Variants in CNTN5 observed in about 807,000 individuals in gnomAD.
CNTN5 encodes contactin-5.
Under a neutral mutation model 129.1 loss-of-function variants are expected in CNTN5, and 77 were observed. That is an observed-to-expected ratio of 0.60 (90% CI 0.50 to 0.72). CNTN5 has a LOEUF of 0.72. CNTN5 is among the 30% of genes least tolerant of loss of function. The pLI is 0.00. For missense variants in CNTN5, 1,478 were observed against 1,328.8 expected, an observed-to-expected ratio of 1.11 and a Z score of -1.75; for synonymous variants, 509 against 465.6, an observed-to-expected ratio of 1.09 and a Z score of -1.20.
intron 1 of CNTN5, among the ~76,000 whole-genome samples, chr11:99,312,813 A>ATTT (rs5793983): frequency 1.7e-3 from 246 of 148,718 alleles, no homozygotes; most frequent in African/African-American, 2.7e-3. Context: ...AAATTAAGTG[A>ATTT]TTTTTTTTTT....
At chr11:100,262,049 T>C (rs1046202135) in intron 17 of CNTN5, among the ~76,000 whole-genome samples, 4 of 152,064 alleles carry the variant, frequency 2.6e-5, no homozygotes, top group Non-Finnish European at 5.9e-5. Flanking sequence ...AATCTATCCA[T>C]CTGACAAAGG....
Position 100,288,645 on chromosome 11 carries a change from A to C in CNTN5, c.2315-8980A>C, listed in dbSNP as rs565141017. 1.1e-4 allele frequency among the ~76,000 whole-genome samples: 17 copies of C among 152,108 alleles called. No individual in the cohort carries two copies. The South Asian group carries it at 3.3e-3, about 30-fold the overall frequency. On this transcript the variant is annotated intron_variant, in intron 18 of 24. Coordinates refer to ENST00000524871, the MANE Select transcript of CNTN5 (RefSeq NM_014361.4). ...GAAATTTATAGCACTAAATGCCCACAAGAGAAAGCAGGAAAGATCCAAAAT... is the reference window on the plus strand; with the variant it reads ...GAAATTTATAGCACTAAATGCCCACCAGAGAAAGCAGGAAAGATCCAAAAT...
intron 8 of CNTN5, among the ~76,000 whole-genome samples, chr11:99,962,663 T>G (rs9667304): frequency 0.54 from 79,386 of 146,574 alleles, 22,507 homozygotes; most frequent in East Asian, 0.67. Context: ...AGTCATTTGG[T>G]TATATACCCA....
intron 21 of CNTN5, chr11:100,336,802 C>A (rs1350876981): frequency 5.5e-6 from 2 of 362,250 alleles, no homozygotes; most frequent in African/African-American, 4.2e-5. Flanking sequence ...AGGTGTTCTG[C>A]GACTTCCCCA....
chr11:99,037,583 T>TTTC (rs1555024017), intron 1 of CNTN5, among the ~76,000 whole-genome samples: 4 of 142,282 alleles, frequency 2.8e-5, no homozygotes, highest in African/African-American at 1.1e-4. Context: ...TTTCTTTTTT[T>TTTC]TTTTTTTTTT....
intron 2 of CNTN5, among the ~76,000 whole-genome samples, chr11:99,516,889 G>C (rs1032541696): frequency 6.6e-6 from 1 of 152,076 alleles, no homozygotes; most frequent in Admixed American, 6.6e-5. Context: ...TAAGGGATTT[G>C]TTTTAATCCC....
At chr11:99,436,151 T>C (rs1943591776) in intron 2 of CNTN5, among the ~76,000 whole-genome samples, 1 of 152,178 alleles carries the variant, frequency 6.6e-6, no homozygotes, top group South Asian at 2.1e-4. Context: ...ACACCTGATT[T>C]GAATTCCAAT....
chr11:99,450,770 T>A (rs1944271364), intron 2 of CNTN5, among the ~76,000 whole-genome samples: 1 of 41,754 alleles, frequency 2.4e-5, no homozygotes, highest in African/African-American at 6.3e-5. Flanking sequence ...TGAAGCAAGT[T>A]TTTTTTTTTT....
intron 15 of CNTN5, among the ~76,000 whole-genome samples, chr11:100,215,783 T>C (rs902840127): frequency 2.0e-5 from 3 of 151,840 alleles, no homozygotes; most frequent in African/African-American, 7.3e-5. Flanking sequence ...TAGAGAGAGG[T>C]TGTGGATTAC....
Position 99,393,212 on chromosome 11 carries a change from C to T in CNTN5, c.-71+67728C>T, listed in dbSNP as rs138468542. 1.8e-4 allele frequency among the ~76,000 whole-genome samples: 27 copies of T among 151,800 alleles called. No homozygotes were observed. In the East Asian group the frequency reaches 4.6e-3, roughly 26 times the overall value. ...TACTCAGTAGTTAAAGAAATAGAAACGGCACAAACTCAGGTTACAGGAAGA... is the reference window on the plus strand; with the variant it reads ...TACTCAGTAGTTAAAGAAATAGAAATGGCACAAACTCAGGTTACAGGAAGA... On this transcript the variant is annotated intron_variant, in intron 2 of 24. Transcript: ENST00000524871.
At chr11:99,852,381 TGCCCAG>T (rs1406989871) in intron 6 of CNTN5, among the ~76,000 whole-genome samples, 2 of 152,340 alleles carry the variant, frequency 1.3e-5, no homozygotes, top group South Asian at 2.1e-4. Flanking sequence ...TCTAGCTATT[TGCCCAG>T]GCTGGTCTTG....
intron 18 of CNTN5, among the ~76,000 whole-genome samples, chr11:100,279,234 T>A (rs1159066512): frequency 6.6e-6 from 1 of 151,970 alleles, no homozygotes; most frequent in Non-Finnish European, 1.5e-5. Flanking sequence ...TTTGCATTGA[T>A]ACTTACCAGT....
intron 9 of CNTN5, among the ~76,000 whole-genome samples, chr11:100,017,943 T>C (rs1014282720): frequency 5.9e-5 from 9 of 152,020 alleles, no homozygotes; most frequent in African/African-American, 2.2e-4. Flanking sequence ...AAAGAGATTG[T>C]GCATCAGGTG....
intron 2 of CNTN5, among the ~76,000 whole-genome samples, chr11:99,544,997 T>TA (rs1387898428): frequency 6.6e-6 from 1 of 152,242 alleles, no homozygotes; most frequent in African/African-American, 2.4e-5. Context: ...AGACCACTCT[T>TA]ACAGATTCTT....
At chr11:99,584,191 G>C (rs563723198) in intron 3 of CNTN5, among the ~76,000 whole-genome samples, 2 of 152,046 alleles carry the variant, frequency 1.3e-5, no homozygotes, top group Admixed American at 6.6e-5. Context: ...ATTGTTCAAC[G>C]TTGTTCCCTT....
At chr11:99,918,832 A>G (rs1365549009) in intron 7 of CNTN5, among the ~76,000 whole-genome samples, 1 of 152,102 alleles carries the variant, frequency 6.6e-6, no homozygotes, top group Non-Finnish European at 1.5e-5. Context: ...TAATTTCAGT[A>G]AACAACTTTC....
chr11:99,177,457 T>G (rs1857831532), intron 1 of CNTN5, among the ~76,000 whole-genome samples: 2 of 152,234 alleles, frequency 1.3e-5, no homozygotes, highest in Non-Finnish European at 2.9e-5. Context: ...CTATCACATC[T>G]GAAGCAGATA....
intron 3 of CNTN5, among the ~76,000 whole-genome samples, chr11:99,614,610 G>T (rs75399387): frequency 6.6e-6 from 1 of 152,194 alleles, no homozygotes; most frequent in African/African-American, 2.4e-5. Flanking sequence ...AGTATCCACT[G>T]TGCATCTCCC....
At chr11:100,171,997 T>A (rs118164092) in intron 13 of CNTN5, among the ~76,000 whole-genome samples, 2,114 of 152,162 alleles carry the variant, frequency 0.014, 25 homozygotes, top group Admixed American at 0.024. Flanking sequence ...AAAACCAGCT[T>A]ATTCATGTTA....
Sources: allele counts gnomAD v4.1 joint callset (sites outside exome capture counted in the v4.1 genomes callset), GRCh38; gene constraint gnomAD v4.1.1; transcripts MANE v1.5; gene names NCBI Gene and HGNC (gene_info 2026-07-23, HGNC 2026-07-21).